The following ZNF566 variants were observed in gnomAD, a reference collection of about 807,000 sequenced individuals.
ZNF566 encodes zinc finger protein 566.
ZNF566 carries 27 observed loss-of-function variants against 32.8 expected under a neutral mutation model. That is an observed-to-expected ratio of 0.82 (90% CI 0.61 to 1.14). The LOEUF (loss-of-function observed/expected upper bound fraction) is 1.14. Ranked by LOEUF, ZNF566 falls within the 50% of genes most tolerant of loss-of-function variation. The probability of loss-of-function intolerance (pLI) is 0.00; values close to 1 mark genes in which losing one functional copy is unlikely to be tolerated. For synonymous variants in ZNF566, 154 were observed against 159.5 expected (o/e 0.97, Z 0.26); for missense variants, 402 against 490.4 (o/e 0.82, Z 1.70).
chr19:36,461,219 T>A (rs1008022214), intron 4 of ZNF566, among the ~76,000 whole-genome samples: 1 of 152,314 alleles, frequency 6.6e-6, no homozygotes, highest in Non-Finnish European at 1.5e-5. Context: ...TTAAATCCCC[T>A]GATAGCTTGA....
At chr19:36,462,116 G>A (rs1177054376) in intron 4 of ZNF566, among the ~76,000 whole-genome samples, 1 of 151,638 alleles carries the variant, frequency 6.6e-6, no homozygotes, top group Non-Finnish European at 1.5e-5. Context: ...AGCCTCCCGA[G>A]TAGCTGGGAT....
chr19:36,461,798 G>C (rs1313635302), intron 4 of ZNF566, among the ~76,000 whole-genome samples: 1 of 152,218 alleles, frequency 6.6e-6, no homozygotes, highest in Non-Finnish European at 1.5e-5. Context: ...TGTGTGGACT[G>C]TGATTCCAGT....
chr19:36,445,598 T>A lies in ZNF566; in HGVS notation c.*3379A>T, dbSNP rs2032973985. The stretch of plus-strand genomic sequence containing the variant: ...ACTTTGGGAGGCCGAGGAGGGTGGA[T>A]CACCTGAGGTCAGGAGTTCGAGACC... On this transcript the variant is annotated 3_prime_UTR_variant, in exon 5 of 5. Transcript: ENST00000452939. 1 of 152,150 alleles carries A rather than the reference T, an allele frequency of 6.6e-6. No individual in the cohort carries two copies. Among genetic ancestry groups the A allele is most frequent in the Non-Finnish European group, 1.5e-5 (1 of 68,068 alleles). 9.4% of individuals were successfully genotyped at this position (152,150 alleles called of 1,614,324 possible).
At chr19:36,472,735 C>T (rs2967539) in intron 4 of ZNF566, among the ~76,000 whole-genome samples, 176 bp downstream of exon 4, 37,469 of 152,040 alleles carry the variant, frequency 0.25, 4,679 homozygotes, top group South Asian at 0.36. Flanking sequence ...AGGAGAAAAG[C>T]AGGCAAAGTG....
intron 4 of ZNF566, among the ~76,000 whole-genome samples, chr19:36,451,522 G>T (rs2033156592): frequency 2.6e-5 from 4 of 152,164 alleles, no homozygotes; most frequent in Admixed American, 2.6e-4. Flanking sequence ...GGAAGGCAGT[G>T]TATGGTACTG....
At chr19:36,484,779 T>C (rs575366494) in intron 1 of ZNF566, among the ~76,000 whole-genome samples, 11 of 151,936 alleles carry the variant, frequency 7.2e-5, no homozygotes, top group Non-Finnish European at 1.5e-4. Context: ...TTAGTAGAGA[T>C]GGGGTTTCAC....
rs1219372889 is a variant in ZNF566, at chr19:36,449,069, G to A, written c.1165C>T (p.His389Tyr). The A allele has an allele frequency of 6.2e-7, 1 of 1,613,790 alleles. No homozygotes were observed. Among genetic ancestry groups the A allele is most frequent in the Non-Finnish European group, 8.5e-7 (1 of 1,179,930 alleles). ...SSQLISHHRIHTSEKPYEYRE... is the reference protein window; with the variant it reads ...SSQLISHHRIYTSEKPYEYRE... ...TATTCATAGGGTTTCTCACTAGTAT[G>A]AATTCTATGATGACTAATAAGCTGT... The change falls in exon 5 of 5, where the codon CAT becomes TAT. Residue 389 changes from histidine (H) to tyrosine (Y), a missense_variant. His to Tyr is a moderately conservative substitution (Grantham distance 83). Around this residue, in one of 3 missense-constraint regions of ZNF566, gnomAD observed 47 missense variants for 38.5 expected, o/e 1.22. Coordinates refer to ENST00000452939, the MANE Select transcript of ZNF566 (RefSeq NM_001145344.1).
rs1240562909 is a variant in ZNF566 at position 36,476,614 on chromosome 19, G to A, written c.-57C>T. The A allele has an allele frequency of 6.2e-7, 1 of 1,609,792 alleles. No homozygotes were observed. The highest frequency in any genetic ancestry group is 1.3e-5 in the African/African-American group (1 of 74,670). ...TTGGCTCTTCTTTTGGAGAAGGGTA[G>A]AGCTGGGAGAGGCAAAAGAAGATAG... On this transcript the variant is annotated splice_region_variant and 5_prime_UTR_variant, in exon 2 of 5. Transcript: ENST00000452939.
chr19:36,486,725 T>A (rs1217690102), intron 1 of ZNF566, among the ~76,000 whole-genome samples: 1 of 148,962 alleles, frequency 6.7e-6, no homozygotes, highest in Non-Finnish European at 1.5e-5. Flanking sequence ...TTTAAAAAAT[T>A]TACGAAGGGG....
chr19:36,483,331 C>A (rs2034081231), intron 1 of ZNF566, among the ~76,000 whole-genome samples: 1 of 152,268 alleles, frequency 6.6e-6, no homozygotes, highest in East Asian at 1.9e-4. Context: ...CTGACCAGAA[C>A]CAGAGCAAAG....
chr19:36,453,554 T>A (rs1049782559), intron 4 of ZNF566, among the ~76,000 whole-genome samples: 1 of 150,466 alleles, frequency 6.6e-6, no homozygotes, highest in African/African-American at 2.4e-5. Flanking sequence ...AAACCTACAA[T>A]CATTTGCTAA....
chr19:36,456,748 C>A (rs888819244), intron 4 of ZNF566, among the ~76,000 whole-genome samples: 5 of 151,834 alleles, frequency 3.3e-5, no homozygotes, highest in African/African-American at 1.2e-4. Context: ...TAAATGAAGA[C>A]AAAAATAAAT....
rs560462714 is a variant in ZNF566 at position 36,485,047 on chromosome 19, T to C, written c.-60+4439A>G. ...GAGATATACTAATATATATATCTCC[T>C]GATATGACACATTGAGAAGAGTTCA... On this transcript the variant is annotated intron_variant, in intron 1 of 4. Transcript: ENST00000452939. Among the ~76,000 whole-genome samples, 5 of 152,186 alleles carry C rather than the reference T, an allele frequency of 3.3e-5. No individual in the cohort carries two copies. In the South Asian group the frequency reaches 6.2e-4, roughly 19 times the overall value.
intron 4 of ZNF566, among the ~76,000 whole-genome samples, chr19:36,452,618 G>A (rs2033185452): frequency 6.6e-6 from 1 of 150,494 alleles, no homozygotes; most frequent in South Asian, 2.1e-4. Flanking sequence ...TCTGATCACT[G>A]AATCCTAAAC....
At chr19:36,455,521 T>C (rs1375031537) in intron 4 of ZNF566, among the ~76,000 whole-genome samples, 1 of 149,714 alleles carries the variant, frequency 6.7e-6, no homozygotes, top group Admixed American at 6.6e-5. Flanking sequence ...GCGGGCAGAT[T>C]ACTTGAGGTC....
At chr19:36,470,559 C>T (rs1026404767) in intron 4 of ZNF566, among the ~76,000 whole-genome samples, 3 of 152,192 alleles carry the variant, frequency 2.0e-5, no homozygotes, top group African/African-American at 7.2e-5. Context: ...TGCTAAACAG[C>T]CACTCTGCTT....
In ZNF566 at chr19:36,487,105, AAC is replaced by A. The variant is rs1269465637; in HGVS notation, c.-60+2379_-60+2380del. Among the ~76,000 whole-genome samples the A allele has an allele frequency of 4.1e-3, 616 of 149,096 alleles. 33 individuals are homozygous for A. The highest frequency in any genetic ancestry group is 0.026 in the Admixed American group (378 of 14,632). The stretch of plus-strand genomic sequence containing the variant: ...ACTCCGTCTCAAAAAAAAAAAAAAA[AAC>A]AAACCAAAACAAGACAAAACAAACC... On this transcript the variant is annotated intron_variant, in intron 1 of 4. Transcript: ENST00000452939.
At chr19:36,488,654 G>C (rs112256689) in intron 1 of ZNF566, among the ~76,000 whole-genome samples, 73 of 152,266 alleles carry the variant, frequency 4.8e-4, no homozygotes, top group African/African-American at 1.7e-3. Context: ...ATCATTACTA[G>C]AAAGGATGAA....
intron 1 of ZNF566, among the ~76,000 whole-genome samples, chr19:36,478,248 A>G (rs936360662): frequency 3.9e-5 from 6 of 152,158 alleles, no homozygotes; most frequent in African/African-American, 1.2e-4. Flanking sequence ...TTACTACTAC[A>G]TATTAAGCTC....
Sources: gnomAD v4.1 joint callset for allele counts (sites outside exome capture counted in the v4.1 genomes callset) on GRCh38, gnomAD v4.1.1 for gene constraint, gnomAD v4.1.1 regional missense constraint, MANE v1.5 for transcripts, NCBI Gene and HGNC (gene_info 2026-07-23, HGNC 2026-07-21) for gene names.